Variants in MME observed in about 807,000 individuals in gnomAD.
The protein encoded by MME is membrane metalloendopeptidase, also known as neprilysin.
Under a neutral mutation model 113.2 loss-of-function variants are expected in MME, and 98 were observed. The observed-to-expected ratio is 0.87, with a 90% confidence interval of 0.74 to 1.02. MME has a LOEUF of 1.02. Among genes scored for constraint, MME ranks in the 50% least tolerant of loss-of-function variants. The probability of loss-of-function intolerance (pLI) is 0.00; values close to 1 mark genes in which losing one functional copy is unlikely to be tolerated. For missense variants in MME, 836 were observed against 896.0 expected (o/e 0.93, Z 0.86); for synonymous variants, 292 against 300.6 (o/e 0.97, Z 0.30).
At chr3:155,079,630 T>TA (rs1481000476), upstream of MME, 1 of 27,486 alleles carries the variant, frequency 3.6e-5, no homozygotes, top group Non-Finnish European at 9.8e-5. Context: ...GGGTAGGGGG[T>TA]GGGGGGGGTG....
intron 17 of MME, among the ~76,000 whole-genome samples, chr3:155,163,154 AG>A (rs1398483082): frequency 6.6e-6 from 1 of 152,062 alleles, no homozygotes; most frequent in Non-Finnish European, 1.5e-5. Flanking sequence ...GTTGGTATAG[AG>A]TAATATGTGC....
At position 155,133,062 on chromosome 3, in the gene MME, A is replaced by AAAT. The variant is rs1553762419; in HGVS notation, c.721-5039_721-5038insATA. Among the ~76,000 whole-genome samples, 175 of 75,020 alleles carry AAAT rather than the reference A, an allele frequency of 2.3e-3. 1 individual carries two copies. Among genetic ancestry groups the AAAT allele is most frequent in the South Asian group, 4.7e-3 (12 of 2,564 alleles). The allele number at this position is 75,020 out of a possible 152,430, so 49.2% of individuals were successfully genotyped here. A position where few individuals can be genotyped will look rare whatever the true frequency, so the allele number is the denominator to read the frequency against. The stretch of plus-strand genomic sequence containing the variant: ...TCTAAAAAAAAAAAAAAAAAAAAAA[A>AAAT]ATATATATATATATATATGTATAAA... On this transcript the variant is annotated intron_variant, in intron 8 of 22. Coordinates refer to ENST00000360490, the MANE Select transcript of MME (RefSeq NM_007289.4).
intron 1 of MME, among the ~76,000 whole-genome samples, chr3:155,047,286 AT>A (rs1297908910): frequency 1.3e-5 from 2 of 152,226 alleles, no homozygotes; most frequent in Non-Finnish European, 2.9e-5. Context: ...GTAATAGAGT[AT>A]TTTACCACTG....
In MME at chr3:155,114,989, T is replaced by C; in HGVS notation, c.197-5T>C. 6.2e-7 allele frequency: 1 copy of C among 1,614,042 alleles called. No homozygotes were observed. The highest frequency in any genetic ancestry group is 2.2e-5 in the East Asian group (1 of 44,884). The stretch of plus-strand genomic sequence containing the variant: ...TTTTATCTAGTGTTTTCTCTGCTCT[T>C]GCAGCTGCTCGACTGATCCAAAACA... On this transcript the variant is annotated splice_polypyrimidine_tract_variant and splice_region_variant and intron_variant, in intron 3 of 22. Coordinates refer to ENST00000360490, the MANE Select transcript of MME (RefSeq NM_007289.4).
intron 8 of MME, among the ~76,000 whole-genome samples, chr3:155,119,192 A>G (rs750881207): frequency 1.3e-5 from 2 of 152,172 alleles, no homozygotes; most frequent in African/African-American, 2.4e-5. Context: ...AGTGAGAGAT[A>G]CACTCTGCAG....
At chr3:155,168,391 C>A in intron 18 of MME, 101 bp from the exon 19 acceptor site, 1 of 1,034,896 alleles carries the variant, frequency 9.7e-7, no homozygotes, top group Non-Finnish European at 1.5e-6. Flanking sequence ...ATTTAATGTT[C>A]TGTCACACAG....
At chr3:155,051,729 G>A (rs1026969689) in intron 1 of MME, among the ~76,000 whole-genome samples, 1 of 152,056 alleles carries the variant, frequency 6.6e-6, no homozygotes, top group Admixed American at 6.5e-5. Context: ...TTTTGGTGGG[G>A]ATACAAAGCC....
chr3:155,176,575 C>T (rs1236100936), intron 22 of MME, among the ~76,000 whole-genome samples: 3 of 152,032 alleles, frequency 2.0e-5, no homozygotes, highest in African/African-American at 7.2e-5. Flanking sequence ...TTGTTAATTC[C>T]AGCACTTTGG....
At chr3:155,136,745 T>A (rs1341904587) in intron 8 of MME, among the ~76,000 whole-genome samples, 1 of 152,222 alleles carries the variant, frequency 6.6e-6, no homozygotes, top group Non-Finnish European at 1.5e-5. Flanking sequence ...ACAGTGAATA[T>A]ATGGATGTTC....
intron 1 of MME, among the ~76,000 whole-genome samples, chr3:155,073,039 C>G (rs544800359): frequency 6.6e-6 from 1 of 152,266 alleles, no homozygotes; most frequent in African/African-American, 2.4e-5. Flanking sequence ...CTACAAATTA[C>G]TAAACTAATC....
chr3:155,036,925 T>A (rs895503806), intron 1 of MME, among the ~76,000 whole-genome samples: 2 of 152,238 alleles, frequency 1.3e-5, no homozygotes, highest in African/African-American at 4.8e-5. Context: ...GTATATGGTG[T>A]GAAGCTTATT....
At chr3:155,032,548 T>A (rs1713004342) in intron 1 of MME, among the ~76,000 whole-genome samples, 2 of 152,186 alleles carry the variant, frequency 1.3e-5, no homozygotes, top group African/African-American at 4.8e-5. Flanking sequence ...ACAGTCTGAA[T>A]CTCAAATCAA....
At chr3:155,150,200 T>C (rs938636444) in intron 16 of MME, among the ~76,000 whole-genome samples, 5 of 152,190 alleles carry the variant, frequency 3.3e-5, no homozygotes, top group Non-Finnish European at 5.9e-5. Context: ...CCATAGGACA[T>C]CAGGAAATTT....
In MME at chr3:155,166,924, GC is replaced by G. The variant is rs749150627; in HGVS notation, c.1689del (p.Phe564SerfsTer10). On this transcript the variant is annotated frameshift_variant, in exon 18 of 23. Transcript: ENST00000360490. LOFTEE classifies it high-confidence loss of function. ...QIVFPAGILQPPFFSAQQSNS... is the reference protein window; with the variant it reads ...QIVFPAGILQXPFFSAQQSNS... ...TAGTCTTCCCAGCCGGCATTCTGCA[GC>G]CCCCCTTCTTTAGTGCCCAGCAGTC... is the stretch of plus-strand genomic sequence containing the variant. The G allele has an allele frequency of 2.5e-6, 4 of 1,613,548 alleles. No individual in the cohort carries two copies. The highest frequency in any genetic ancestry group is 3.4e-6 in the Non-Finnish European group (4 of 1,179,736).
intron 1 of MME, among the ~76,000 whole-genome samples, chr3:155,038,908 G>C (rs554533692): frequency 6.6e-6 from 1 of 152,120 alleles, no homozygotes; most frequent in East Asian, 1.9e-4. Flanking sequence ...TAAAATACAG[G>C]TATCTCATTT....
At chr3:155,102,170 G>A (rs953638392) in intron 3 of MME, among the ~76,000 whole-genome samples, 1 of 152,168 alleles carries the variant, frequency 6.6e-6, no homozygotes, top group African/African-American at 2.4e-5. Flanking sequence ...GCTAGTATCA[G>A]AATGTTTTAA....
intron 1 of MME, among the ~76,000 whole-genome samples, chr3:155,042,940 GTATA>G (rs57585504): frequency 6.3e-4 from 34 of 53,576 alleles, no homozygotes; most frequent in Admixed American, 2.5e-3. Flanking sequence ...ATATATATAT[GTATA>G]TATATATATA....
chr3:155,035,524 G>A (rs1328431888), intron 1 of MME, among the ~76,000 whole-genome samples: 1 of 152,112 alleles, frequency 6.6e-6, no homozygotes, highest in Non-Finnish European at 1.5e-5. Context: ...AGTGAACAGA[G>A]ATTATGGAGG....
rs1713293045 is a variant in MME, at chr3:155,183,515, T to A, written c.*3056T>A. 1 of 152,168 alleles carries A rather than the reference T, an allele frequency of 6.6e-6. No homozygotes were observed. The highest frequency in any genetic ancestry group is 6.6e-5 in the Admixed American group (1 of 15,262). 9.4% of individuals were successfully genotyped at this position (152,168 alleles called of 1,614,324 possible). ...CTGCTGTTACTGTTAACCATTTAAG[T>A]GGGGCAAAACCTTGCTAATTTTCTC... On this transcript the variant is annotated 3_prime_UTR_variant, in exon 23 of 23. Transcript: ENST00000360490.
Sources: gnomAD v4.1 joint callset for allele counts (sites outside exome capture counted in the v4.1 genomes callset) on GRCh38, gnomAD v4.1.1 for gene constraint, MANE v1.5 for transcripts, NCBI Gene and HGNC (gene_info 2026-07-23, HGNC 2026-07-21) for gene names.